Variants in NOL4L observed in about 807,000 individuals in gnomAD.
The protein encoded by NOL4L is nucleolar protein 4 like.
NOL4L carries 7 observed loss-of-function variants against 64.5 expected under a neutral mutation model. That is an observed-to-expected ratio of 0.11 (90% confidence interval 0.06 to 0.20). The LOEUF is 0.20. Ranked by LOEUF, NOL4L falls within the 10% of genes least tolerant of loss-of-function variation. The pLI is 1.00. For synonymous variants in NOL4L, 413 were observed against 401.0 expected (o/e 1.03, Z -0.36); for missense variants, 680 against 967.1 (o/e 0.70, Z 3.94).
intron 10 of NOL4L, among the ~76,000 whole-genome samples, chr20:32,450,619 G>A (rs1281480279): frequency 6.6e-6 from 1 of 152,168 alleles, no homozygotes; most frequent in Non-Finnish European, 1.5e-5. Flanking sequence ...CCTAATATGA[G>A]AGGCCCTTAG....
At chr20:32,469,811 A>G (rs2014867383) in intron 5 of NOL4L, among the ~76,000 whole-genome samples, 1 of 152,242 alleles carries the variant, frequency 6.6e-6, no homozygotes, top group Non-Finnish European at 1.5e-5. Flanking sequence ...TTTGGCTTCA[A>G]CCAAACCCCA....
intron 4 of NOL4L, among the ~76,000 whole-genome samples, chr20:32,475,955 T>C (rs1234939603): frequency 6.6e-6 from 1 of 152,144 alleles, no homozygotes; most frequent in Non-Finnish European, 1.5e-5. Context: ...TTATAGCTTC[T>C]GTGCAGTGTG....
chr20:32,584,845 G>T lies in NOL4L; in HGVS notation c.46C>A (p.Arg16Ser), dbSNP rs1980786464. The part of the protein sequence containing the change: ...LLLRGGWERE[R>S]SPGDSELGRQ... The stretch of plus-strand genomic sequence containing the variant: ...CCCAGCTCCGAGTCCCCGGGGCTGC[G>T]CTCGCGCTCCCAGCCCCCGCGCAGC... Residue 16 changes from arginine (R) to serine (S), a missense_variant, in exon 1 of 11, where the codon CGC becomes AGC. Transcript: ENST00000621426. 1 of 1,466,562 alleles carries T rather than the reference G, an allele frequency of 6.8e-7. No individual in the cohort carries two copies. Among genetic ancestry groups the T allele is most frequent in the Non-Finnish European group, 9.0e-7 (1 of 1,105,082 alleles). The allele number at this position is 1,466,562 out of a possible 1,614,324, so 90.8% of individuals were successfully genotyped here.
intron 1 of NOL4L, chr20:32,537,179 T>C (rs2018560640): frequency 4.4e-6 from 4 of 918,224 alleles, no homozygotes; most frequent in African/African-American, 1.8e-5. Context: ...TGATCTCCCG[T>C]AGTCCTCACA....
intron 4 of NOL4L, among the ~76,000 whole-genome samples, chr20:32,508,484 C>T (rs2017230329): frequency 6.6e-6 from 1 of 152,200 alleles, no homozygotes; most frequent in Non-Finnish European, 1.5e-5. Flanking sequence ...GAGCTCATTG[C>T]TTTGCATGGA....
intron 2 of NOL4L, among the ~76,000 whole-genome samples, chr20:32,526,975 G>A (rs1362789750): frequency 6.6e-6 from 1 of 152,194 alleles, no homozygotes; most frequent in African/African-American, 2.4e-5. Flanking sequence ...GGTCTGGCCA[G>A]TCCCATCTAT....
chr20:32,475,701 C>A (rs191467473), intron 4 of NOL4L, among the ~76,000 whole-genome samples: 5 of 152,192 alleles, frequency 3.3e-5, no homozygotes, highest in Non-Finnish European at 7.4e-5. Context: ...GGCCTCCCCC[C>A]AGCAAGACAC....
chr20:32,547,233 C>T (rs2018744967), intron 1 of NOL4L, among the ~76,000 whole-genome samples: 1 of 152,170 alleles, frequency 6.6e-6, no homozygotes, highest in African/African-American at 2.4e-5. Context: ...CACACATGCC[C>T]AATGTCACAC....
chr20:32,509,517 C>CAAA (rs71338441), intron 4 of NOL4L, among the ~76,000 whole-genome samples: 137 of 62,482 alleles, frequency 2.2e-3, no homozygotes, highest in East Asian at 5.2e-3. Context: ...GACTCTGCCT[C>CAAA]AAAAAAAAAA....
chr20:32,452,910 G>A lies in NOL4L; in HGVS notation c.1594C>T (p.Arg532Cys). The A allele has an allele frequency of 2.5e-6, 4 of 1,614,008 alleles. No homozygotes were observed. Among genetic ancestry groups the A allele is most frequent in the Non-Finnish European group, 3.4e-6 (4 of 1,180,016 alleles). The change falls in exon 9 of 11, where the codon CGT becomes TGT. Residue 532 changes from arginine (R) to cysteine (C), a missense_variant. Transcript: ENST00000621426. Reference sequence around the variant, plus strand: ...TGTGAGGACTGGTAGATCTCTAGACGCATCCGCTTGGCTGCCTTTCTTGTC... The same window carrying A: ...TGTGAGGACTGGTAGATCTCTAGACACATCCGCTTGGCTGCCTTTCTTGTC... ...SETRKAAKRMRLEIYQSSQDE... is the reference protein window; with the variant it reads ...SETRKAAKRMCLEIYQSSQDE...
rs76588265 is a variant in NOL4L at position 32,494,355 on chromosome 20, T to C, written c.699+16992A>G. Among the ~76,000 whole-genome samples the C allele has an allele frequency of 5.4e-3, 813 of 150,596 alleles. 8 individuals carry two copies. Among genetic ancestry groups the C allele is most frequent in the African/African-American group, 0.019 (784 of 40,800 alleles). On this transcript the variant is annotated intron_variant, in intron 4 of 10. Coordinates refer to ENST00000621426, the MANE Select transcript of NOL4L (RefSeq NM_001256798.2). ...GCCGAGCCTCAGTTTCCCTGTGTGCTGAGGAACTGAGTTCTGTGTCTGGGG... is the reference window on the plus strand; with the variant it reads ...GCCGAGCCTCAGTTTCCCTGTGTGCCGAGGAACTGAGTTCTGTGTCTGGGG...
chr20:32,554,178 G>A (rs1012650148), intron 1 of NOL4L, among the ~76,000 whole-genome samples: 4 of 152,032 alleles, frequency 2.6e-5, no homozygotes, highest in Admixed American at 6.6e-5. Flanking sequence ...AAAATTAGCC[G>A]GGCGTGGTGG....
intron 4 of NOL4L, chr20:32,511,073 C>G: frequency 3.1e-6 from 1 of 326,892 alleles, no homozygotes. Context: ...TCCCTCCCTT[C>G]CACGTCCCCT....
chr20:32,459,314 C>A (rs1206058978), intron 5 of NOL4L, among the ~76,000 whole-genome samples: 1 of 149,950 alleles, frequency 6.7e-6, no homozygotes, highest in Non-Finnish European at 1.5e-5. Flanking sequence ...CATTAGGGCT[C>A]ACTGCAACTG....
chr20:32,583,711 C>T (rs898419576), intron 1 of NOL4L, among the ~76,000 whole-genome samples: 3 of 148,516 alleles, frequency 2.0e-5, no homozygotes, highest in African/African-American at 7.4e-5. Flanking sequence ...GCGGGGCCCG[C>T]GCCGCACGCC....
intron 1 of NOL4L, among the ~76,000 whole-genome samples, chr20:32,537,650 C>T (rs943750811): frequency 3.4e-4 from 51 of 152,212 alleles, no homozygotes; most frequent in Non-Finnish European, 1.8e-4. Flanking sequence ...CCAGCACACA[C>T]CTCTTCTTCC....
intron 6 of NOL4L, chr20:32,454,206 C>T (rs1451552387): frequency 4.5e-5 from 8 of 177,692 alleles, no homozygotes; most frequent in Admixed American, 1.6e-4. Flanking sequence ...GGGGCTGCAA[C>T]CCCAAGTTGA....
At chr20:32,462,951 C>T (rs1414574020) in intron 5 of NOL4L, among the ~76,000 whole-genome samples, 1 of 141,770 alleles carries the variant, frequency 7.1e-6, no homozygotes, top group African/African-American at 2.6e-5. Flanking sequence ...TCGACAGGCG[C>T]ACAAACCCTT....
chr20:32,517,532 G>A lies in NOL4L; in HGVS notation c.589+3279C>T, dbSNP rs574544371. On this transcript the variant is annotated intron_variant, in intron 3 of 10. Transcript: ENST00000621426. Reference sequence around the variant, plus strand: ...GGAGGCGAATGCCTCTGGCCACTTAGCAGACAGTGGAGCCTTTCAGACTCA... The same window carrying A: ...GGAGGCGAATGCCTCTGGCCACTTAACAGACAGTGGAGCCTTTCAGACTCA... Among the ~76,000 whole-genome samples the A allele has an allele frequency of 2.7e-3, 412 of 152,356 alleles. 1 individual carries two copies. The highest frequency in any genetic ancestry group is 4.1e-3 in the Non-Finnish European group (276 of 68,030).
Sources: gnomAD v4.1 joint callset for allele counts (sites outside exome capture counted in the v4.1 genomes callset) on GRCh38, gnomAD v4.1.1 for gene constraint, MANE v1.5 for transcripts, NCBI Gene and HGNC (gene_info 2026-07-23, HGNC 2026-07-21) for gene names.